Variants in SLCO3A1 observed in about 807,000 individuals in gnomAD.
SLCO3A1 encodes PGE1 transporter.
SLCO3A1 carries 27 observed loss-of-function variants against 63.1 expected under a neutral mutation model. The observed-to-expected ratio is 0.43, with a 90% confidence interval of 0.32 to 0.59. The LOEUF is 0.59. SLCO3A1 is among the 20% of genes least tolerant of loss of function. The probability of loss-of-function intolerance (pLI) is 0.09; values close to 1 mark genes in which losing one functional copy is unlikely to be tolerated. For missense variants in SLCO3A1, 773 were observed against 945.8 expected, an observed-to-expected ratio of 0.82 and a Z score of 2.40; for synonymous variants, 473 against 409.9, an observed-to-expected ratio of 1.15 and a Z score of -1.86.
intron 2 of SLCO3A1, among the ~76,000 whole-genome samples, chr15:91,926,607 A>C (rs4321175): frequency 2.2e-5 from 3 of 135,582 alleles, no homozygotes; most frequent in Non-Finnish European, 3.2e-5. Context: ...GCGCGCGCGC[A>C]CGCCCATGCT....
chr15:92,030,793 C>T lies in SLCO3A1; in HGVS notation c.647-64088C>T, dbSNP rs559959523. On this transcript the variant is annotated intron_variant, in intron 2 of 9. Coordinates refer to ENST00000318445, the MANE Select transcript of SLCO3A1 (RefSeq NM_013272.4). Reference sequence around the variant, plus strand: ...GTGCTTCCTGGTACCTCTTAGCGCTCGCATTCTAAGTACACCGGTGAGTAC... The same window carrying T: ...GTGCTTCCTGGTACCTCTTAGCGCTTGCATTCTAAGTACACCGGTGAGTAC... Among the ~76,000 whole-genome samples, 253 of 152,224 alleles carry T rather than the reference C, an allele frequency of 1.7e-3. 1 individual carries two copies. Among genetic ancestry groups the T allele is most frequent in the African/African-American group, 5.7e-3 (236 of 41,508 alleles).
At chr15:92,091,681 G>A (rs1266023570) in intron 2 of SLCO3A1, among the ~76,000 whole-genome samples, 1 of 152,226 alleles carries the variant, frequency 6.6e-6, no homozygotes, top group Non-Finnish European at 1.5e-5. Context: ...CGCGTTGCAG[G>A]TGGTGGTTTA....
At chr15:91,997,658 G>A (rs2046207508) in intron 2 of SLCO3A1, among the ~76,000 whole-genome samples, 1 of 152,118 alleles carries the variant, frequency 6.6e-6, no homozygotes, top group South Asian at 2.1e-4. Flanking sequence ...TACAAAAACA[G>A]ACTACATAGA....
intron 2 of SLCO3A1, among the ~76,000 whole-genome samples, chr15:91,946,309 C>T (rs1899803508): frequency 6.6e-6 from 1 of 152,224 alleles, no homozygotes; most frequent in Admixed American, 6.5e-5. Flanking sequence ...TTTTAACCTA[C>T]ACTCTCACCA....
chr15:92,135,259 A>G (rs911193470), intron 7 of SLCO3A1, among the ~76,000 whole-genome samples: 3 of 152,116 alleles, frequency 2.0e-5, no homozygotes, highest in Admixed American at 6.5e-5. Context: ...CCTATGTTAG[A>G]TAGCTGGAGC....
chr15:91,963,005 T>G (rs1900507719), intron 2 of SLCO3A1, among the ~76,000 whole-genome samples: 2 of 152,162 alleles, frequency 1.3e-5, no homozygotes, highest in Admixed American at 6.5e-5. Context: ...AAGATCTGAT[T>G]CCTGAAGACC....
At chr15:91,889,155 T>C (rs148059861) in intron 1 of SLCO3A1, 1 of 1,285,360 alleles carries the variant, frequency 7.8e-7, no homozygotes, top group East Asian at 5.6e-5. Context: ...AAACTCTTAT[T>C]GTTCCTTGAC....
intron 3 of SLCO3A1, among the ~76,000 whole-genome samples, chr15:92,097,089 G>A (rs1432980880): frequency 6.6e-6 from 1 of 152,226 alleles, no homozygotes; most frequent in Non-Finnish European, 1.5e-5. Context: ...ACCTTGAAGG[G>A]TAGCAAAGTG....
rs141013417 is a variant in SLCO3A1 at position 92,123,967 on chromosome 15, G to A, written c.1175-2094G>A. ...CCTTCTCCTGAGCTGGGCAGTCCAG[G>A]CAAGCAGCACAGGTGCCCTCTGTGT... On this transcript the variant is annotated intron_variant, in intron 5 of 9. Transcript: ENST00000318445. Among the ~76,000 whole-genome samples the A allele has an allele frequency of 3.6e-3, 548 of 152,328 alleles. 5 individuals carry two copies. Among genetic ancestry groups the A allele is most frequent in the African/African-American group, 0.013 (523 of 41,568 alleles).
intron 2 of SLCO3A1, among the ~76,000 whole-genome samples, chr15:91,927,833 T>A (rs895918815): frequency 5.3e-5 from 8 of 152,222 alleles, no homozygotes; most frequent in Admixed American, 1.3e-4. Context: ...AAGGATCTAA[T>A]AGATTCTAAA....
chr15:92,120,671 T>A, intron 5 of SLCO3A1, 42 bp downstream of exon 5: 1 of 1,294,336 alleles, frequency 7.7e-7, no homozygotes, highest in Non-Finnish European at 1.1e-6. Flanking sequence ...CGGGGGAGGG[T>A]GTCCTGTGTG....
intron 2 of SLCO3A1, among the ~76,000 whole-genome samples, chr15:91,928,390 T>C (rs776152806): frequency 3.3e-5 from 5 of 152,174 alleles, no homozygotes; most frequent in Non-Finnish European, 7.3e-5. Flanking sequence ...TCATGGGGCT[T>C]AAGCAGCTTG....
intron 2 of SLCO3A1, among the ~76,000 whole-genome samples, chr15:91,945,159 T>C (rs1383748931): frequency 6.6e-6 from 1 of 152,026 alleles, no homozygotes; most frequent in Non-Finnish European, 1.5e-5. Context: ...CTGACCAACA[T>C]GGTGAAACCC....
chr15:91,919,016 G>C (rs926741618), intron 2 of SLCO3A1, among the ~76,000 whole-genome samples: 1 of 152,230 alleles, frequency 6.6e-6, no homozygotes, highest in East Asian at 1.9e-4. Flanking sequence ...ACACCAGCTT[G>C]TTCTTGAGCT....
downstream of SLCO3A1, among the ~76,000 whole-genome samples, chr15:92,167,894 G>A (rs770734066): frequency 1.9e-4 from 29 of 152,218 alleles, no homozygotes; most frequent in Non-Finnish European, 3.7e-4. Context: ...TGGAGACAGG[G>A]ACAACTCACA....
At chr15:92,038,756 C>G (rs2046758571) in intron 2 of SLCO3A1, among the ~76,000 whole-genome samples, 2 of 152,064 alleles carry the variant, frequency 1.3e-5, no homozygotes, top group Admixed American at 1.3e-4. Flanking sequence ...AAAACTACTT[C>G]AAATTTTATA....
intron 2 of SLCO3A1, among the ~76,000 whole-genome samples, chr15:91,964,684 G>C (rs918075559): frequency 3.9e-5 from 6 of 152,034 alleles, no homozygotes; most frequent in Non-Finnish European, 8.8e-5. Context: ...AGAGAGTTGA[G>C]CAGTGTGTTG....
At chr15:92,123,728 G>C (rs2047889915) in intron 5 of SLCO3A1, among the ~76,000 whole-genome samples, 1 of 152,168 alleles carries the variant, frequency 6.6e-6, no homozygotes, top group African/African-American at 2.4e-5. Context: ...TCTCTCACCT[G>C]CTGACTCCTC....
intron 2 of SLCO3A1, among the ~76,000 whole-genome samples, chr15:92,048,993 A>G (rs1597259258): frequency 6.6e-6 from 1 of 152,350 alleles, no homozygotes; most frequent in East Asian, 1.9e-4. Flanking sequence ...CATTTTACAG[A>G]TGAGGCAGCC....
Sources: gnomAD v4.1 joint callset for allele counts (sites outside exome capture counted in the v4.1 genomes callset) on GRCh38, gnomAD v4.1.1 for gene constraint, MANE v1.5 for transcripts, NCBI Gene and HGNC (gene_info 2026-07-23, HGNC 2026-07-21) for gene names.